Variants in RGS7 observed in about 807,000 individuals in gnomAD.
RGS7 encodes the protein regulator of G protein signaling 7.
A neutral mutation model predicts 81.1 loss-of-function variants in RGS7; 27 were observed. The ratio of observed to expected loss-of-function variants is 0.33; its 90% CI spans 0.25 to 0.46. RGS7 has a LOEUF of 0.46. RGS7 is among the 20% of genes least tolerant of loss of function. The pLI is 1.00. For synonymous variants in RGS7, 208 were observed against 207.7 expected (o/e 1.00, Z -0.01); for missense variants, 396 against 607.4 (o/e 0.65, Z 3.66).
chr1:241,109,121 C>T (rs890204874), intron 2 of RGS7, among the ~76,000 whole-genome samples: 4 of 152,092 alleles, frequency 2.6e-5, no homozygotes, highest in Non-Finnish European at 5.9e-5. Flanking sequence ...TTTCTGTAAG[C>T]GAAATGACCA....
At chr1:241,193,857 T>C (rs76150791) in intron 2 of RGS7, among the ~76,000 whole-genome samples, 4,627 of 152,298 alleles carry the variant, frequency 0.03, 240 homozygotes, top group African/African-American at 0.1. Context: ...TTTCCTTTGA[T>C]ATAATTCACT....
chr1:241,023,166 T>G (rs1232210350), intron 3 of RGS7, among the ~76,000 whole-genome samples: 6 of 151,300 alleles, frequency 4.0e-5, no homozygotes, highest in Admixed American at 4.0e-4. Context: ...GTCATAATGA[T>G]TAAATGGGTA....
chr1:240,985,754 C>T (rs1443851260), intron 3 of RGS7, among the ~76,000 whole-genome samples: 1 of 151,840 alleles, frequency 6.6e-6, no homozygotes, highest in African/African-American at 2.4e-5. Context: ...AGAGTAAGAC[C>T]TCAACTCCTT....
chr1:241,002,890 T>C (rs1461251281), intron 3 of RGS7, among the ~76,000 whole-genome samples: 1 of 152,218 alleles, frequency 6.6e-6, no homozygotes, highest in African/African-American at 2.4e-5. Flanking sequence ...AATACAAGTT[T>C]TCACTCAATA....
chr1:240,956,852 GAAAA>G lies in RGS7; in HGVS notation c.227-20150_227-20147del, dbSNP rs572143340. Among the ~76,000 whole-genome samples, 3 of 138,838 alleles carry G rather than the reference GAAAA, an allele frequency of 2.2e-5. No individual in the cohort carries two copies. The South Asian group carries it at 6.9e-4, about 32-fold the overall frequency. The allele number at this position is 138,838 out of a possible 152,430, so 91.1% of individuals were successfully genotyped here. On this transcript the variant is annotated intron_variant, in intron 4 of 18. Transcript: ENST00000440928. The stretch of plus-strand genomic sequence containing the variant: ...ACCCATAACCTCAGACTAATCAGGA[GAAAA>G]AAAAAAACGTTAAACAAATCCTAAT...
chr1:240,795,065 ATCCCAG>A (rs1686788952), intron 18 of RGS7, among the ~76,000 whole-genome samples: 1 of 151,970 alleles, frequency 6.6e-6, no homozygotes, highest in African/African-American at 2.4e-5. Context: ...CATGCCTGTA[ATCCCAG>A]TTATTTGGAG....
chr1:241,082,575 T>A (rs1572602273), intron 3 of RGS7, among the ~76,000 whole-genome samples: 2 of 151,912 alleles, frequency 1.3e-5, no homozygotes, highest in Non-Finnish European at 2.9e-5. Context: ...CTGGGAAGGG[T>A]GAGGGGTGAT....
At chr1:241,269,810 T>G (rs1236149356) in intron 2 of RGS7, among the ~76,000 whole-genome samples, 3 of 152,198 alleles carry the variant, frequency 2.0e-5, no homozygotes, top group Non-Finnish European at 2.9e-5. Flanking sequence ...AATTTTCAAG[T>G]GTAATTGTAC....
chr1:240,930,222 C>CTTTTTTTTTTTTTTTT (rs10676730), intron 6 of RGS7, among the ~76,000 whole-genome samples: 2 of 113,890 alleles, frequency 1.8e-5, no homozygotes, highest in African/African-American at 6.9e-5. Context: ...TCTTTTTTAG[C>CTTTTTTTTTTTTTTTT]TTTTTTTTTT....
intron 2 of RGS7, among the ~76,000 whole-genome samples, chr1:241,207,866 TG>T (rs1480300467): frequency 1.3e-5 from 2 of 152,228 alleles, no homozygotes; most frequent in African/African-American, 4.8e-5. Context: ...TGACACTTTC[TG>T]CTTTACTTGT....
At chr1:241,122,199 G>A (rs1384708881) in intron 2 of RGS7, among the ~76,000 whole-genome samples, 1 of 152,150 alleles carries the variant, frequency 6.6e-6, no homozygotes, top group Non-Finnish European at 1.5e-5. Context: ...AAGGAGTAGA[G>A]AGTGAAAAAT....
chr1:240,968,525 T>C (rs1682701895), intron 4 of RGS7, among the ~76,000 whole-genome samples: 1 of 144,942 alleles, frequency 6.9e-6, no homozygotes, highest in South Asian at 2.3e-4. Flanking sequence ...CCCCAATCAC[T>C]TGAATTTAAT....
intron 2 of RGS7, among the ~76,000 whole-genome samples, chr1:241,274,712 A>G (rs927317694): frequency 2.0e-5 from 3 of 152,230 alleles, no homozygotes; most frequent in Non-Finnish European, 4.4e-5. Flanking sequence ...AATGAATACA[A>G]TTATATTACT....
intron 2 of RGS7, among the ~76,000 whole-genome samples, chr1:241,113,673 T>C (rs7514006): frequency 0.18 from 27,768 of 152,188 alleles, 2,624 homozygotes; most frequent in African/African-American, 0.21. Flanking sequence ...CTCAGGTCCG[T>C]CATTTGATGA....
In RGS7 at chr1:241,031,404, T is replaced by A. The variant is rs186702633; in HGVS notation, c.176-48275A>T. 4.4e-4 allele frequency among the ~76,000 whole-genome samples: 67 copies of A among 152,340 alleles called. 1 individual carries two copies. The Middle Eastern group carries it at 0.014, about 31-fold the overall frequency. On this transcript the variant is annotated intron_variant, in intron 3 of 18. Transcript: ENST00000440928. ...GATAGATGCTTAGGTTGATTACATA[T>A]CTTTGCTGTTGTGAATTGTGCTGTG...
At chr1:240,781,160 G>C (rs551756897) in intron 18 of RGS7, among the ~76,000 whole-genome samples, 4 of 152,162 alleles carry the variant, frequency 2.6e-5, no homozygotes, top group Non-Finnish European at 5.9e-5. Context: ...TACAAGTTAA[G>C]CCCGACAAAC....
chr1:241,329,916 CTT>C (rs923939322), intron 2 of RGS7, among the ~76,000 whole-genome samples: 5 of 151,366 alleles, frequency 3.3e-5, no homozygotes, highest in African/African-American at 1.2e-4. Flanking sequence ...GGCAATTTTT[CTT>C]TGTTTTTTTT....
intron 3 of RGS7, among the ~76,000 whole-genome samples, chr1:241,080,506 C>G (rs2063072784): frequency 6.6e-6 from 1 of 152,104 alleles, no homozygotes; most frequent in Admixed American, 6.5e-5. Context: ...ATGTCTAAAT[C>G]TGGGCTTAAT....
chr1:240,824,273 C>A (rs1341044970), intron 10 of RGS7, among the ~76,000 whole-genome samples: 2 of 152,202 alleles, frequency 1.3e-5, no homozygotes, highest in African/African-American at 2.4e-5. Context: ...ATTCTTGTCA[C>A]GGCACGTAAT....
Sources: gnomAD v4.1 joint callset for allele counts (sites outside exome capture counted in the v4.1 genomes callset) on GRCh38, gnomAD v4.1.1 for gene constraint, MANE v1.5 for transcripts, NCBI Gene and HGNC (gene_info 2026-07-23, HGNC 2026-07-21) for gene names.